Variants in AAK1 observed in about 807,000 individuals in gnomAD.
The protein encoded by AAK1 is AP2-associated protein kinase 1.
In AAK1, 37 loss-of-function variants were observed where a neutral mutation model predicts 116.0. That is an observed-to-expected ratio of 0.32 (90% CI 0.25 to 0.42). The LOEUF (loss-of-function observed/expected upper bound fraction) is 0.42. Ranked by LOEUF, AAK1 falls within the 10% of genes least tolerant of loss-of-function variation. The pLI is 1.00. For missense variants in AAK1, 919 were observed against 1,170.6 expected, an observed-to-expected ratio of 0.79 and a Z score of 3.14; for synonymous variants, 458 against 439.9, an observed-to-expected ratio of 1.04 and a Z score of -0.51.
At position 69,466,508 on chromosome 2, in the gene AAK1, C is replaced by T. The variant is rs1674490599; in HGVS notation, c.*9361G>A. On this transcript the variant is annotated 3_prime_UTR_variant, in exon 22 of 22. Transcript: ENST00000409085. ...TAACACCCAGTGATTCTTTAAAGTGCTCTACAGTTATTACAGGACAGGGAT... is the reference window on the plus strand; with the variant it reads ...TAACACCCAGTGATTCTTTAAAGTGTTCTACAGTTATTACAGGACAGGGAT... The T allele has an allele frequency of 8.1e-7, 1 of 1,237,472 alleles. No individual in the cohort carries two copies. Among genetic ancestry groups the T allele is most frequent in the Non-Finnish European group, 1.0e-6 (1 of 961,344 alleles). The allele number at this position is 1,237,472 out of a possible 1,614,324, so 76.7% of individuals were successfully genotyped here.
intron 2 of AAK1, chr2:69,595,059 G>C: frequency 1.4e-6 from 1 of 727,156 alleles, no homozygotes; most frequent in East Asian, 2.6e-5. Context: ...CGTTCACCAT[G>C]TTTGCGTGAG....
chr2:69,618,051 C>A (rs1052834012), intron 2 of AAK1, among the ~76,000 whole-genome samples: 1 of 152,058 alleles, frequency 6.6e-6, no homozygotes, highest in African/African-American at 2.4e-5. Flanking sequence ...AGGCAACCAA[C>A]CTGACCAGGA....
intron 18 of AAK1, chr2:69,482,396 T>C: frequency 1.8e-6 from 1 of 561,856 alleles, no homozygotes; most frequent in Admixed American, 3.4e-5. Flanking sequence ...TTTCATTAAG[T>C]TCAGTAAAGG....
intron 15 of AAK1, among the ~76,000 whole-genome samples, chr2:69,506,693 T>C (rs1287867087): frequency 2.0e-5 from 3 of 152,214 alleles, no homozygotes; most frequent in East Asian, 1.9e-4. Flanking sequence ...TATAAAATGA[T>C]AGTTAAAGCC....
intron 3 of AAK1, among the ~76,000 whole-genome samples, chr2:69,548,997 T>C (rs1209036553): frequency 6.6e-6 from 1 of 152,180 alleles, no homozygotes; most frequent in African/African-American, 2.4e-5. Flanking sequence ...CTTACCTATC[T>C]GGAATCTTCC....
At position 69,519,137 on chromosome 2, in the gene AAK1, A is replaced by T; in HGVS notation, c.1314T>A (p.Ala438=). 6.4e-7 allele frequency: 1 copy of T among 1,567,826 alleles called. No individual in the cohort carries two copies. The highest frequency in any genetic ancestry group is 8.7e-7 in the Non-Finnish European group (1 of 1,155,614). The change falls in exon 12 of 22, where the codon GCT becomes GCA. Residue 438 remains alanine, a synonymous_variant. Transcript: ENST00000409085. ...LPQTQAKQPQ[A]PPTPQQTPST... ...AAGGCGTCTGCTGTGGAGTGGGAGG[A>T]GCCTGTGGCTGCTTGGCCTGAGTTT...
At chr2:69,483,432 T>C (rs558814960) in intron 17 of AAK1, among the ~76,000 whole-genome samples, 8 of 152,266 alleles carry the variant, frequency 5.3e-5, no homozygotes, top group Non-Finnish European at 8.8e-5. Flanking sequence ...TGCTGAGTCC[T>C]GTTCCATTGT....
At position 69,549,909 on chromosome 2, in the gene AAK1, A is replaced by G. The variant is rs901965573; in HGVS notation, c.283-5365T>C. 2.0e-5 allele frequency among the ~76,000 whole-genome samples: 3 copies of G among 152,294 alleles called. No individual in the cohort carries two copies. In the East Asian group the frequency reaches 5.8e-4, roughly 29 times the overall value. On this transcript the variant is annotated intron_variant, in intron 3 of 21. Coordinates refer to ENST00000409085, the MANE Select transcript of AAK1 (RefSeq NM_014911.5). Reference sequence around the variant, plus strand: ...CTCAATGCAGTTACTACATCTTCCAACTTTATAAAGGCACATAATTGATCA... The same window carrying G: ...CTCAATGCAGTTACTACATCTTCCAGCTTTATAAAGGCACATAATTGATCA...
intron 2 of AAK1, among the ~76,000 whole-genome samples, chr2:69,578,744 A>C (rs961010509): frequency 1.3e-5 from 2 of 151,492 alleles, no homozygotes; most frequent in Non-Finnish European, 2.9e-5. Flanking sequence ...TTCTCCCACC[A>C]GTGTTTAAAC....
At chr2:69,621,666 A>G (rs1674633484) in intron 2 of AAK1, among the ~76,000 whole-genome samples, 1 of 152,194 alleles carries the variant, frequency 6.6e-6, no homozygotes, top group African/African-American at 2.4e-5. Context: ...TGACTAAAAC[A>G]CAACCCAAGC....
In AAK1 at chr2:69,603,906, T is replaced by C. The variant is rs955176088; in HGVS notation, c.163+38972A>G. ...GTCATGGACAGAATTGGAAACCTGATGCACTGATGCTGTTTTCTATCTGTG... is the reference window on the plus strand; with the variant it reads ...GTCATGGACAGAATTGGAAACCTGACGCACTGATGCTGTTTTCTATCTGTG... On this transcript the variant is annotated intron_variant, in intron 2 of 21. Coordinates refer to ENST00000409085, the MANE Select transcript of AAK1 (RefSeq NM_014911.5). Among the ~76,000 whole-genome samples, 6 of 152,366 alleles carry C rather than the reference T, an allele frequency of 3.9e-5. No homozygotes were observed. In the East Asian group the frequency reaches 5.8e-4, roughly 15 times the overall value.
At chr2:69,479,872 C>T (rs1376385629) in intron 19 of AAK1, among the ~76,000 whole-genome samples, 2 of 152,176 alleles carry the variant, frequency 1.3e-5, no homozygotes, top group Non-Finnish European at 2.9e-5. Flanking sequence ...TCTCCTGCCT[C>T]AGCCTCTTGA....
chr2:69,630,139 A>G (rs1675098543), intron 2 of AAK1, among the ~76,000 whole-genome samples: 1 of 152,164 alleles, frequency 6.6e-6, no homozygotes. Flanking sequence ...TTGGATAGGC[A>G]GCAGGTGCCA....
intron 19 of AAK1, among the ~76,000 whole-genome samples, chr2:69,480,525 G>A (rs1406053390): frequency 6.6e-6 from 1 of 152,138 alleles, no homozygotes; most frequent in African/African-American, 2.4e-5. Flanking sequence ...GGAGGGTTAA[G>A]GGTATCCTTA....
intron 5 of AAK1, 36 bp from the exon 6 acceptor site, chr2:69,532,198 T>C: frequency 1.2e-6 from 2 of 1,610,312 alleles, no homozygotes; most frequent in Non-Finnish European, 1.7e-6. Context: ...TTCCAAGATA[T>C]CATTTAGTAA....
Position 69,607,653 on chromosome 2 carries a change from C to T in AAK1, c.163+35225G>A, listed in dbSNP as rs112849200. On this transcript the variant is annotated intron_variant, in intron 2 of 21. Transcript: ENST00000409085. ...CTAGATTATACTTATAATAAGCCAA[C>T]CTATTTCTAACTCAGTAATTTTTTA... is the stretch of plus-strand genomic sequence containing the variant. 6.1e-3 allele frequency among the ~76,000 whole-genome samples: 929 copies of T among 152,142 alleles called. 5 individuals are homozygous for T. The highest frequency in any genetic ancestry group is 0.013 in the Admixed American group (193 of 15,294).
rs573607777 is a variant in AAK1 at position 69,471,556 on chromosome 2, T to C, written c.*4313A>G. The C allele has an allele frequency of 7.1e-6, 7 of 985,472 alleles. No homozygotes were observed. Among genetic ancestry groups the C allele is most frequent in the African/African-American group, 3.5e-5 (2 of 57,376 alleles). The allele number at this position is 985,472 out of a possible 1,614,324, so 61.0% of individuals were successfully genotyped here. A position where few individuals can be genotyped will look rare whatever the true frequency, so the allele number is the denominator to read the frequency against. Reference sequence around the variant, plus strand: ...TTCTGCCAGGCAGCCTCTAATTTGCTTAACCCGGCACACTGGGCAATCCTG... The same window carrying C: ...TTCTGCCAGGCAGCCTCTAATTTGCCTAACCCGGCACACTGGGCAATCCTG... On this transcript the variant is annotated 3_prime_UTR_variant, in exon 22 of 22. Transcript: ENST00000409085.
Position 69,471,815 on chromosome 2 carries a change from T to G in AAK1, c.*4054A>C. On this transcript the variant is annotated 3_prime_UTR_variant, in exon 22 of 22. Transcript: ENST00000409085. The stretch of plus-strand genomic sequence containing the variant: ...ACAGCACTGCTGAAGGCAGAACTGT[T>G]CCTAACCTGGGGAAGGTTATATTGG... 1.0e-6 allele frequency: 1 copy of G among 985,464 alleles called. No individual in the cohort carries two copies. The allele number at this position is 985,464 out of a possible 1,614,324, so 61.0% of individuals were successfully genotyped here.
Position 69,553,415 on chromosome 2 carries a change from G to C in AAK1, c.282+3445C>G, listed in dbSNP as rs1204487821. Among the ~76,000 whole-genome samples the C allele has an allele frequency of 7.2e-5, 10 of 139,402 alleles. No homozygotes were observed. The Admixed American group carries it at 7.2e-4, about 10-fold the overall frequency. The allele number at this position is 139,402 out of a possible 152,430, so 91.5% of individuals were successfully genotyped here. On this transcript the variant is annotated intron_variant, in intron 3 of 21. Coordinates refer to ENST00000409085, the MANE Select transcript of AAK1 (RefSeq NM_014911.5). ...CTATGATGTGCGAACATAAAATAAAGATACTTCTAGAATTGAAAGTTGTTT... is the reference window on the plus strand; with the variant it reads ...CTATGATGTGCGAACATAAAATAAACATACTTCTAGAATTGAAAGTTGTTT...
Sources: allele counts gnomAD v4.1 joint callset (sites outside exome capture counted in the v4.1 genomes callset), GRCh38; gene constraint gnomAD v4.1.1; transcripts MANE v1.5; gene names NCBI Gene and HGNC (gene_info 2026-07-23, HGNC 2026-07-21).